PTPRF: variants seen among roughly 807,000 people sequenced by gnomAD.
The protein encoded by PTPRF is protein tyrosine phosphatase receptor type F.
In PTPRF, 59 loss-of-function variants were observed where a neutral mutation model predicts 201.8. The ratio of observed to expected loss-of-function variants is 0.29; its 90% confidence interval spans 0.24 to 0.36. The LOEUF is 0.36. PTPRF is among the 10% of genes least tolerant of loss of function. PTPRF has a pLI of 1.00. For synonymous variants in PTPRF, 1,088 were observed against 1,089.7 expected (o/e 1.00, Z 0.03); for missense variants, 2,132 against 2,690.5 (o/e 0.79, Z 4.59).
Position 43,605,354 on chromosome 1 carries a change from G to A in PTPRF, c.3300G>A (p.Leu1100=). The change falls in exon 18 of 34, where the codon CTG becomes CTA. Residue 1100 remains leucine (L), a synonymous_variant. Transcript: ENST00000359947. Reference sequence around the variant, plus strand: ...CCATCCGCACAGCCCCCGACCTCCTGCCTCACAAGCCGCTGCCTGCCTCTG... The same window carrying A: ...CCATCCGCACAGCCCCCGACCTCCTACCTCACAAGCCGCTGCCTGCCTCTG... ...LVSIRTAPDL[L]PHKPLPASAY... 6.2e-7 allele frequency: 1 copy of A among 1,613,878 alleles called. No individual in the cohort carries two copies. The highest frequency in any genetic ancestry group is 8.5e-7 in the Non-Finnish European group (1 of 1,179,980).
At chr1:43,566,135 C>G (rs903917532) in intron 5 of PTPRF, among the ~76,000 whole-genome samples, 3 of 152,100 alleles carry the variant, frequency 2.0e-5, no homozygotes, top group African/African-American at 4.8e-5. Context: ...CCGGCCGAGG[C>G]GTGGTGTGGG....
intron 13 of PTPRF, among the ~76,000 whole-genome samples, chr1:43,599,475 C>A (rs1181696590): frequency 6.6e-6 from 1 of 152,178 alleles, no homozygotes; most frequent in African/African-American, 2.4e-5. Context: ...GGCTGTCTTA[C>A]CCCACTGGCG....
chr1:43,553,373 G>T lies in PTPRF; in HGVS notation c.92-119G>T. 8.7e-7 allele frequency: 1 copy of T among 1,148,544 alleles called. No individual in the cohort carries two copies. The highest frequency in any genetic ancestry group is 2.4e-5 in the East Asian group (1 of 42,532). 71.1% of individuals were successfully genotyped at this position (1,148,544 alleles called of 1,614,324 possible). ...GGCACATACTAAGCGCTACATAAAGGTGAGGTGTCCTTGTTTTCTTTGTAG... is the reference window on the plus strand; with the variant it reads ...GGCACATACTAAGCGCTACATAAAGTTGAGGTGTCCTTGTTTTCTTTGTAG... On this transcript the variant is annotated intron_variant, in intron 3 of 33. Coordinates refer to ENST00000359947, the MANE Select transcript of PTPRF (RefSeq NM_002840.5). This position sits in a 1 kb window ranked among gnomAD's most constrained non-coding sequence, Gnocchi z 4.1.
At chr1:43,523,037 T>G (rs1026692056), upstream of PTPRF, among the ~76,000 whole-genome samples, 57 of 152,276 alleles carry the variant, frequency 3.7e-4, no homozygotes, top group African/African-American at 1.3e-3. Context: ...CTTGGACCAG[T>G]GAGGCATCAG....
chr1:43,576,534 G>A (rs776921113), intron 6 of PTPRF, among the ~76,000 whole-genome samples: 3 of 152,164 alleles, frequency 2.0e-5, no homozygotes, highest in Non-Finnish European at 2.9e-5. Context: ...CGGAGTCCCC[G>A]CTAGGCTGCC....
chr1:43,549,836 T>G (rs1025912381), intron 3 of PTPRF, among the ~76,000 whole-genome samples: 1 of 150,758 alleles, frequency 6.6e-6, no homozygotes, highest in African/African-American at 2.4e-5. Flanking sequence ...TACTCCAACC[T>G]GGGTGACAAA....
rs1446354822 is a variant in PTPRF, at chr1:43,605,311, G to C, written c.3257G>C (p.Gly1086Ala). The change falls in exon 18 of 34, where the codon GGC becomes GCC. Residue 1086 changes from glycine (G) to alanine (A), a missense_variant. Coordinates refer to ENST00000359947, the MANE Select transcript of PTPRF (RefSeq NM_002840.5). ...VLMNRGSSAGGLQHLVSIRTA... is the reference protein window; with the variant it reads ...VLMNRGSSAGALQHLVSIRTA... The stretch of plus-strand genomic sequence containing the variant: ...ATGAACCGTGGCAGCAGCGCAGGGG[G>C]CCTGCAGCACCTGGTGTCCATCCGC... 6.2e-7 allele frequency: 1 copy of C among 1,613,348 alleles called. No individual in the cohort carries two copies. Among genetic ancestry groups the C allele is most frequent in the Non-Finnish European group, 8.5e-7 (1 of 1,179,726 alleles).
chr1:43,608,342 G>T (rs967844615), intron 21 of PTPRF, among the ~76,000 whole-genome samples: 4 of 152,208 alleles, frequency 2.6e-5, no homozygotes, highest in Non-Finnish European at 5.9e-5. Context: ...AAAGGTAGGA[G>T]TTGTTCCTTC....
chr1:43,543,979 G>T (rs1207380483), intron 2 of PTPRF, among the ~76,000 whole-genome samples: 1 of 152,188 alleles, frequency 6.6e-6, no homozygotes, highest in Non-Finnish European at 1.5e-5. Context: ...GAGAGACCCT[G>T]GGGAGCTCAC....
rs1041522982 is a variant in PTPRF, at chr1:43,606,274, A to G, written c.3518A>G (p.Gln1173Arg). ...LEAIEQGGEEQRRRRRQAERL... is the reference protein window; with the variant it reads ...LEAIEQGGEERRRRRRQAERL... ...GCCATCGAGCAAGGCGGAGAGGAGC[A>G]GCGGCGGCGGCGGCGGCAGGCAGAA... The change falls in exon 20 of 34, where the codon CAG becomes CGG. Residue 1173 changes from glutamine to arginine, a missense_variant. By Grantham distance (43) the Gln-to-Arg change is conservative. Transcript: ENST00000359947. 16 of 1,613,230 alleles carry G rather than the reference A, an allele frequency of 9.9e-6. No homozygotes were observed. The highest frequency in any genetic ancestry group is 1.1e-5 in the Non-Finnish European group (13 of 1,179,714).
upstream of PTPRF, chr1:43,530,837 G>C (rs1401635075): frequency 9.9e-5 from 15 of 152,056 alleles, no homozygotes; most frequent in Admixed American, 9.9e-4. The surrounding 1 kb of genome is among the most constrained non-coding windows in gnomAD (Gnocchi z 4.1). Flanking sequence ...GCAGGGGCGC[G>C]GGCGCGAGCG....
chr1:43,593,682 G>A (rs927676965), intron 11 of PTPRF, among the ~76,000 whole-genome samples: 1 of 28,200 alleles, frequency 3.5e-5, no homozygotes, highest in Non-Finnish European at 1.1e-4. Flanking sequence ...TTACACAAAT[G>A]TCATTAAAAG....
chr1:43,557,681 C>A (rs1410201610), intron 5 of PTPRF, among the ~76,000 whole-genome samples: 1 of 150,558 alleles, frequency 6.6e-6, no homozygotes. Context: ...CGTTTGGTTT[C>A]TCTACCAGGG....
rs1645186978 is a variant in PTPRF, at chr1:43,553,946, G to A, written c.379+5G>A. 6.2e-7 allele frequency: 1 copy of A among 1,613,572 alleles called. No homozygotes were observed. Among genetic ancestry groups the A allele is most frequent in the Non-Finnish European group, 8.5e-7 (1 of 1,179,556 alleles). ...CCAAGCTCTCAGTGCTCGAAGGTAC[G>A]TGCTAGGGAGACGTGGCACGGTGGG... On this transcript the variant is annotated splice_donor_5th_base_variant and intron_variant, in intron 5 of 33. Transcript: ENST00000359947. This position sits in a 1 kb window ranked among gnomAD's most constrained non-coding sequence, Gnocchi z 4.1.
chr1:43,613,378 C>T, intron 22 of PTPRF: 1 of 490,032 alleles, frequency 2.0e-6, no homozygotes. Context: ...GGCCTAGTGC[C>T]CCCACTCAGC....
intron 23 of PTPRF, 38 bp downstream of exon 23, chr1:43,613,753 G>A: frequency 1.9e-6 from 3 of 1,566,014 alleles, no homozygotes; most frequent in Non-Finnish European, 2.6e-6. Flanking sequence ...GCCTGGCCCA[G>A]GCCTACCCAA....
At position 43,537,998 on chromosome 1, in the gene PTPRF, G is replaced by A. The variant is rs1029550283; in HGVS notation, c.-125-200G>A. On this transcript the variant is annotated intron_variant, in intron 1 of 33. Transcript: ENST00000359947. This position sits in a 1 kb window ranked among gnomAD's most constrained non-coding sequence, Gnocchi z 4.8. ...ACGCCCAGCACATAGTAGGTGCTTA[G>A]GGAGTATCAAAATGAATGAGCGAGG... Among the ~76,000 whole-genome samples, 10 of 152,136 alleles carry A rather than the reference G, an allele frequency of 6.6e-5. No homozygotes were observed. Among genetic ancestry groups the A allele is most frequent in the Non-Finnish European group, 2.9e-5 (2 of 68,034 alleles).
intron 8 of PTPRF, among the ~76,000 whole-genome samples, chr1:43,590,548 C>G (rs1570389990): frequency 6.6e-6 from 1 of 152,348 alleles, no homozygotes; most frequent in Non-Finnish European, 1.5e-5. Flanking sequence ...AATATCTCCC[C>G]TTCCCCTGCC....
At chr1:43,545,571 G>C (rs1255297217) in intron 3 of PTPRF, among the ~76,000 whole-genome samples, 1 of 152,140 alleles carries the variant, frequency 6.6e-6, no homozygotes, top group Non-Finnish European at 1.5e-5. Context: ...ATGGATGTGT[G>C]CCCAGGACGC....
Sources: allele counts gnomAD v4.1 joint callset (sites outside exome capture counted in the v4.1 genomes callset), GRCh38; gene constraint gnomAD v4.1.1; non-coding constraint Gnocchi (gnomAD v3.1); transcripts MANE v1.5; gene names NCBI Gene and HGNC (gene_info 2026-07-23, HGNC 2026-07-21).